Variants in ABL1 observed in about 807,000 individuals in gnomAD.
ABL1 encodes ABL proto-oncogene 1, non-receptor tyrosine kinase.
A neutral mutation model predicts 94.7 loss-of-function variants in ABL1; 11 were observed. The ratio of observed to expected loss-of-function variants is 0.12; its 90% CI spans 0.07 to 0.19. The LOEUF (loss-of-function observed/expected upper bound fraction) is 0.19. Among genes scored for constraint, ABL1 ranks in the 10% least tolerant of loss-of-function variants. The pLI, the probability that ABL1 is intolerant of heterozygous loss-of-function variation, is 1.00. For missense variants in ABL1, 1,082 were observed against 1,489.4 expected (o/e 0.73, Z 4.50); for synonymous variants, 656 against 622.4 (o/e 1.05, Z -0.80).
chr9:130,863,182 A>C lies in ABL1; in HGVS notation c.822+147A>C. The C allele has an allele frequency of 1.1e-6, 1 of 931,476 alleles. No homozygotes were observed. The highest frequency in any genetic ancestry group is 1.6e-6 in the Non-Finnish European group (1 of 635,338). The allele number at this position is 931,476 out of a possible 1,614,324, so 57.7% of individuals were successfully genotyped here. ...GGAATTGACTTTTCCGTCTTATATCATTCCTGTGTCTTTGTAGGAGTGGAA... is the reference window on the plus strand; with the variant it reads ...GGAATTGACTTTTCCGTCTTATATCCTTCCTGTGTCTTTGTAGGAGTGGAA... On this transcript the variant is annotated intron_variant, in intron 4 of 10. Transcript: ENST00000318560. This position sits in a 1 kb window ranked among gnomAD's most constrained non-coding sequence, Gnocchi z 4.3.
At chr9:130,827,209 T>C (rs1419588351) in intron 1 of ABL1, among the ~76,000 whole-genome samples, 1 of 152,236 alleles carries the variant, frequency 6.6e-6, no homozygotes. Flanking sequence ...AAAGTCTGCA[T>C]ACTGAATAGT....
At chr9:130,764,037 G>A (rs1213388710) in intron 1 of ABL1, among the ~76,000 whole-genome samples, 1 of 152,174 alleles carries the variant, frequency 6.6e-6, no homozygotes, top group Non-Finnish European at 1.5e-5. Flanking sequence ...AGACTGGGCC[G>A]CTGAGTGGGC....
chr9:130,859,617 A>C (rs898388931), intron 3 of ABL1, among the ~76,000 whole-genome samples: 1 of 149,872 alleles, frequency 6.7e-6, no homozygotes, highest in African/African-American at 2.5e-5. Flanking sequence ...CACAAGTCTA[A>C]GCTCCGTTAG....
chr9:130,798,194 T>C (rs1017152161), intron 1 of ABL1, among the ~76,000 whole-genome samples: 15 of 152,236 alleles, frequency 9.9e-5, no homozygotes, highest in Non-Finnish European at 1.9e-4. Context: ...CTCATAACTT[T>C]TTCTCCTGGC....
At position 130,835,468 on chromosome 9, in the gene ABL1, C is replaced by T. The variant is rs1462929343; in HGVS notation, c.22C>T (p.Leu8=). 3 of 1,561,594 alleles carry T rather than the reference C, an allele frequency of 1.9e-6. No individual in the cohort carries two copies. The Admixed American group carries it at 5.8e-5, about 30-fold the overall frequency. Reference sequence around the variant, plus strand: ...GAAAATGTTGGAGATCTGCCTGAAGCTGGTGGGCTGCAAATCCAAGAAGGG... The same window carrying T: ...GAAAATGTTGGAGATCTGCCTGAAGTTGGTGGGCTGCAAATCCAAGAAGGG... MLEICLK[L]VGCKSKKGLS... is the part of the protein sequence containing the mutation. The change falls in exon 1 of 11, where the codon CTG becomes TTG. Residue 8 remains leucine, a synonymous_variant. Transcript: ENST00000318560. This position sits in a 1 kb window ranked among gnomAD's most constrained non-coding sequence, Gnocchi z 4.6.
rs1364046851 is a variant in ABL1, at chr9:130,885,606, A to C, written c.3316A>C (p.Ser1106Arg). ...TCAGATCTGCCCGGCGACAGCAGGC[A>C]GTGGTCCAGCGGCCACTCAGGACTT... is the stretch of plus-strand genomic sequence containing the variant. ...ELQICPATAG[S>R]GPAATQDFSK... Residue 1106 changes from serine (S) to arginine (R), a missense_variant, in exon 11 of 11, where the codon AGT (serine) becomes CGT (arginine). Transcript: ENST00000318560. The C allele has an allele frequency of 6.2e-7, 1 of 1,613,598 alleles. No homozygotes were observed. Among genetic ancestry groups the C allele is most frequent in the Non-Finnish European group, 8.5e-7 (1 of 1,179,908 alleles).
chr9:130,721,639 A>C (rs185912014), intron 1 of ABL1, among the ~76,000 whole-genome samples: 1 of 152,132 alleles, frequency 6.6e-6, no homozygotes, highest in Non-Finnish European at 1.5e-5. Flanking sequence ...GCGCCTGGGA[A>C]GCCAAGGCTG....
intron 1 of ABL1, among the ~76,000 whole-genome samples, chr9:130,796,700 G>A (rs1417286860): frequency 6.6e-6 from 1 of 151,882 alleles, no homozygotes; most frequent in Non-Finnish European, 1.5e-5. Flanking sequence ...TAACTTTATG[G>A]ATGTGGGCTC....
chr9:130,848,105 C>A (rs1342811107), intron 1 of ABL1, among the ~76,000 whole-genome samples: 11 of 152,060 alleles, frequency 7.2e-5, no homozygotes, highest in Admixed American at 7.2e-4. Context: ...TGCTCATGGC[C>A]ACGAGGTTGA....
exon 1 of ABL1, among the ~76,000 whole-genome samples, chr9:130,713,772 G>A (rs545123469): frequency 1.7e-4 from 26 of 152,320 alleles, no homozygotes; most frequent in Admixed American, 1.4e-3. Context: ...GGGCAAACTC[G>A]CTGAAATCTG....
chr9:130,859,920 CTG>C (rs1199195790), intron 3 of ABL1, among the ~76,000 whole-genome samples: 3 of 152,066 alleles, frequency 2.0e-5, no homozygotes, highest in Non-Finnish European at 2.9e-5. Flanking sequence ...ACCTCGTGAT[CTG>C]CCCTCCTTGG....
At chr9:130,726,502 C>G (rs571899591) in intron 1 of ABL1, among the ~76,000 whole-genome samples, 1 of 152,126 alleles carries the variant, frequency 6.6e-6, no homozygotes, top group African/African-American at 2.4e-5. Flanking sequence ...CTCTCTGTTT[C>G]TCTCTCACAC....
intron 1 of ABL1, among the ~76,000 whole-genome samples, chr9:130,787,621 C>T (rs892384787): frequency 1.3e-5 from 2 of 152,054 alleles, no homozygotes; most frequent in East Asian, 3.9e-4. Context: ...TACCCGAGTC[C>T]GGTATTGAGG....
intron 6 of ABL1, among the ~76,000 whole-genome samples, chr9:130,873,396 C>T (rs578112928): frequency 6.6e-6 from 1 of 152,366 alleles, no homozygotes; most frequent in Non-Finnish European, 1.5e-5. Flanking sequence ...ACTCATTGTT[C>T]CTCCGGGGCC....
At chr9:130,865,949 T>C (rs1831149244) in intron 4 of ABL1, among the ~76,000 whole-genome samples, 1 of 152,028 alleles carries the variant, frequency 6.6e-6, no homozygotes, top group African/African-American at 2.4e-5. Context: ...AAATCCTAAA[T>C]GCTCCCAAAT....
chr9:130,859,256 T>C (rs1158756376), intron 3 of ABL1, among the ~76,000 whole-genome samples: 1 of 152,240 alleles, frequency 6.6e-6, no homozygotes, highest in African/African-American at 2.4e-5. Context: ...TCTTTCCTTT[T>C]CTTGAAAGAA....
chr9:130,745,072 C>T (rs1412459217), intron 1 of ABL1, among the ~76,000 whole-genome samples: 1 of 149,358 alleles, frequency 6.7e-6, no homozygotes, highest in African/African-American at 2.5e-5. Flanking sequence ...TTATCCCTTC[C>T]TGGGAACCTT....
At chr9:130,792,584 T>C (rs1383022375) in intron 1 of ABL1, among the ~76,000 whole-genome samples, 1 of 152,024 alleles carries the variant, frequency 6.6e-6, no homozygotes, top group Non-Finnish European at 1.5e-5. Flanking sequence ...AAGTACGGAA[T>C]TGGGGGAGGG....
intron 1 of ABL1, among the ~76,000 whole-genome samples, chr9:130,731,584 C>T (rs929355040): frequency 2.0e-5 from 3 of 152,098 alleles, no homozygotes; most frequent in African/African-American, 7.2e-5. Flanking sequence ...TATACATGTA[C>T]GTGTGGATCT....
Sources: gnomAD v4.1 joint callset for allele counts (sites outside exome capture counted in the v4.1 genomes callset) on GRCh38, gnomAD v4.1.1 for gene constraint, Gnocchi (gnomAD v3.1) non-coding constraint, MANE v1.5 for transcripts, NCBI Gene and HGNC (gene_info 2026-07-23, HGNC 2026-07-21) for gene names.